Variants in COL22A1 observed in about 807,000 individuals in gnomAD.
COL22A1 encodes the protein collagen type XXII alpha 1 chain, also known as collagen alpha-1(XXII) chain.
Under a neutral mutation model 248.9 loss-of-function variants are expected in COL22A1, and 221 were observed. The ratio of observed to expected loss-of-function variants is 0.89; its 90% CI spans 0.80 to 0.99. COL22A1 has a LOEUF of 0.99. COL22A1 is among the 50% of genes least tolerant of loss of function. The probability of loss-of-function intolerance (pLI) is 0.00; values close to 1 mark genes in which losing one functional copy is unlikely to be tolerated. For missense variants in COL22A1, 2,240 were observed against 2,179.0 expected, an observed-to-expected ratio of 1.03 and a Z score of -0.56; for synonymous variants, 891 against 793.4, an observed-to-expected ratio of 1.12 and a Z score of -2.07.
intron 16 of COL22A1, among the ~76,000 whole-genome samples, chr8:138,772,712 T>C (rs1441694641): frequency 6.6e-6 from 1 of 152,204 alleles, no homozygotes; most frequent in Non-Finnish European, 1.5e-5. Flanking sequence ...CATAGTTTTA[T>C]TAGCCAGGTG....
chr8:138,597,922 A>C (rs1587632729), intron 61 of COL22A1, among the ~76,000 whole-genome samples: 1 of 152,054 alleles, frequency 6.6e-6, no homozygotes, highest in Admixed American at 6.5e-5. Context: ...GGCACCTGAA[A>C]CCCAGGCTGA....
At chr8:138,677,516 C>CATTATTTTGAAA (rs1411264918) in intron 40 of COL22A1, among the ~76,000 whole-genome samples, 33 of 152,148 alleles carry the variant, frequency 2.2e-4, no homozygotes, top group Non-Finnish European at 4.0e-4. Context: ...CGAGCCACGC[C>CATTATTTTGAAA]TTATTCGTAA....
chr8:138,703,438 A>G, intron 30 of COL22A1, 91 bp from the exon 31 acceptor site: 2 of 1,246,004 alleles, frequency 1.6e-6, no homozygotes, highest in South Asian at 2.4e-5. Context: ...TTTTCCCCAG[A>G]CAACAGAAGG....
chr8:138,759,762 C>G (rs1181710235), intron 18 of COL22A1, among the ~76,000 whole-genome samples: 2 of 151,868 alleles, frequency 1.3e-5, no homozygotes, highest in African/African-American at 2.4e-5. Flanking sequence ...AAGATACAAC[C>G]CTTATTTTGT....
rs561595229 is a variant in COL22A1 at position 138,594,095 on chromosome 8, G to T, written c.4537C>A (p.Arg1513=). 6.3e-7 allele frequency: 1 copy of T among 1,584,352 alleles called. No individual in the cohort carries two copies. Among genetic ancestry groups the T allele is most frequent in the Non-Finnish European group, 8.5e-7 (1 of 1,170,326 alleles). ...CCTGGCTCCCCCATGGGGCCGGCCC[G>T]GCCTGGAAGCCCATCTTTTCCAGGG... ...GPPGKDGLPG[R]AGPMGEPGRP... The change falls in exon 63 of 65, where the codon CGG becomes AGG. Residue 1513 remains arginine (R), a synonymous_variant. Transcript: ENST00000303045.
chr8:138,812,282 A>G (rs989575230), intron 8 of COL22A1, among the ~76,000 whole-genome samples: 1 of 152,166 alleles, frequency 6.6e-6, no homozygotes, highest in Non-Finnish European at 1.5e-5. Flanking sequence ...CCTGCTGTCT[A>G]TCTGCATGCC....
intron 1 of COL22A1, among the ~76,000 whole-genome samples, chr8:138,887,894 CATTGAGT>C (rs1824782707): frequency 6.6e-6 from 1 of 152,174 alleles, no homozygotes; most frequent in African/African-American, 2.4e-5. Flanking sequence ...TACTTGTTAG[CATTGAGT>C]ATTATCACTC....
chr8:138,868,734 CTT>C (rs34915430), intron 3 of COL22A1, among the ~76,000 whole-genome samples: 13 of 145,534 alleles, frequency 8.9e-5, no homozygotes, highest in Admixed American at 1.4e-4. Flanking sequence ...CATTGTCCTC[CTT>C]TTTTTTTTTT....
intron 41 of COL22A1, among the ~76,000 whole-genome samples, chr8:138,675,408 T>G (rs567046887): frequency 6.6e-6 from 1 of 152,346 alleles, no homozygotes; most frequent in African/African-American, 2.4e-5. Flanking sequence ...GTCGTGGCCT[T>G]CATTTATTGA....
At chr8:138,769,952 C>G (rs1049317787) in intron 16 of COL22A1, among the ~76,000 whole-genome samples, 1 of 152,174 alleles carries the variant, frequency 6.6e-6, no homozygotes, top group African/African-American at 2.4e-5. Flanking sequence ...TACCAGGTGC[C>G]AAGCCCTGCA....
At chr8:138,616,778 T>A in intron 54 of COL22A1, 136 bp downstream of exon 54, 1 of 947,126 alleles carries the variant, frequency 1.1e-6, no homozygotes. Context: ...CTGTGCTGGC[T>A]TGCTCCATGC....
rs751573431 is a variant in COL22A1 at position 138,826,758 on chromosome 8, G to C, written c.869C>G (p.Pro290Arg). 2 of 1,614,132 alleles carry C rather than the reference G, an allele frequency of 1.2e-6. No individual in the cohort carries two copies. Among genetic ancestry groups the C allele is most frequent in the Non-Finnish European group, 1.7e-6 (2 of 1,179,994 alleles). ...GGTTGTGACAAAGGCGTACTCATCA[G>C]GTAAACCTTGGGGGAACACATCCCT... ...STEDVFPQGL[P>R]DEYAFVTTFR... is the part of the protein sequence containing the mutation. Residue 290 changes from proline (P) to arginine (R), a missense_variant, in exon 6 of 65, where the codon CCT (proline) becomes CGT (arginine). Coordinates refer to ENST00000303045, the MANE Select transcript of COL22A1 (RefSeq NM_152888.3).
intron 45 of COL22A1, among the ~76,000 whole-genome samples, chr8:138,650,668 GATTAGATAGATAGATAGATAGATA>G (rs1822631695): frequency 1.4e-5 from 2 of 145,238 alleles, no homozygotes; most frequent in South Asian, 4.5e-4. Context: ...TCTCAAGAAA[GATTAGATAGATAGATAGATAGATA>G]GATAGATAGA....
chr8:138,859,460 A>G (rs1054480492), intron 3 of COL22A1, among the ~76,000 whole-genome samples: 2 of 152,304 alleles, frequency 1.3e-5, no homozygotes, highest in African/African-American at 2.4e-5. Context: ...GGGCTCCTGG[A>G]ATGGGCACTG....
intron 50 of COL22A1, among the ~76,000 whole-genome samples, chr8:138,628,137 A>G (rs2131983562): frequency 6.6e-6 from 1 of 151,908 alleles, no homozygotes; most frequent in East Asian, 1.9e-4. Context: ...GTGACAGATG[A>G]CAAGGGACTC....
At chr8:138,658,773 T>C (rs966899760) in intron 44 of COL22A1, among the ~76,000 whole-genome samples, 1 of 152,168 alleles carries the variant, frequency 6.6e-6, no homozygotes, top group Non-Finnish European at 1.5e-5. Context: ...GAGACAACCA[T>C]GCCTTATCTG....
chr8:138,699,331 A>G (rs1302247614), intron 32 of COL22A1, among the ~76,000 whole-genome samples: 1 of 152,210 alleles, frequency 6.6e-6, no homozygotes, highest in Admixed American at 6.5e-5. Context: ...AGCTTTTAAA[A>G]TGGAATCGAC....
intron 33 of COL22A1, 26 bp downstream of exon 33, chr8:138,694,800 G>C: frequency 6.2e-7 from 1 of 1,608,246 alleles, no homozygotes; most frequent in South Asian, 1.1e-5. Context: ...CCAGCCCTGC[G>C]GGGGAAGGGG....
At chr8:138,617,094 C>G in intron 53 of COL22A1, 136 bp from the exon 54 acceptor site, 1 of 873,890 alleles carries the variant, frequency 1.1e-6, no homozygotes, top group Non-Finnish European at 1.9e-6. Context: ...CTGAGCCCTA[C>G]TTGGTGCCAT....
Sources: gnomAD v4.1 joint callset for allele counts (sites outside exome capture counted in the v4.1 genomes callset) on GRCh38, gnomAD v4.1.1 for gene constraint, MANE v1.5 for transcripts, NCBI Gene and HGNC (gene_info 2026-07-23, HGNC 2026-07-21) for gene names.